CPT1A: variants seen among roughly 807,000 people sequenced by gnomAD.
CPT1A encodes carnitine palmitoyltransferase 1A.
A neutral mutation model predicts 100.8 loss-of-function variants in CPT1A; 64 were observed. The ratio of observed to expected loss-of-function variants is 0.63; its 90% confidence interval spans 0.52 to 0.78. The LOEUF is 0.78. Among genes scored for constraint, CPT1A ranks in the 30% least tolerant of loss-of-function variants. The probability of loss-of-function intolerance (pLI) is 0.00; values close to 1 mark genes in which losing one functional copy is unlikely to be tolerated. For missense variants in CPT1A, 802 were observed against 1,034.1 expected, an observed-to-expected ratio of 0.78 and a Z score of 3.08; for synonymous variants, 363 against 396.0, an observed-to-expected ratio of 0.92 and a Z score of 0.99.
rs549255107 is a variant in CPT1A at position 68,834,065 on chromosome 11, G to A, written c.-14+7710C>T. 2.6e-5 allele frequency among the ~76,000 whole-genome samples: 4 copies of A among 152,332 alleles called. No homozygotes were observed. The South Asian group carries it at 8.3e-4, about 32-fold the overall frequency. On this transcript the variant is annotated intron_variant, in intron 1 of 18. Transcript: ENST00000265641. Reference sequence around the variant, plus strand: ...TCACATTATTTAAATTGGCCACACAGTGGATTTCCTGTACTGAAGTTTATC... The same window carrying A: ...TCACATTATTTAAATTGGCCACACAATGGATTTCCTGTACTGAAGTTTATC...
intron 13 of CPT1A, 158 bp from the exon 14 acceptor site, chr11:68,773,587 G>A (rs1039964357): frequency 3.2e-5 from 44 of 1,369,072 alleles, no homozygotes; most frequent in Non-Finnish European, 4.2e-5. Flanking sequence ...GTAAGTTAGG[G>A]GCATGGCTCC....
chr11:68,758,786 T>G (rs1315275458), intron 18 of CPT1A, among the ~76,000 whole-genome samples: 1 of 151,762 alleles, frequency 6.6e-6, no homozygotes, highest in Non-Finnish European at 1.5e-5. Flanking sequence ...ACCAGCTAAG[T>G]TTTGTATTTT....
chr11:68,764,853 C>T (rs889218917), intron 14 of CPT1A, among the ~76,000 whole-genome samples: 5 of 152,258 alleles, frequency 3.3e-5, no homozygotes, highest in South Asian at 2.1e-4. Flanking sequence ...CGTGGGAGCA[C>T]GCTGGACACC....
intron 5 of CPT1A, 26 bp from the exon 6 acceptor site, chr11:68,799,381 T>A (rs763979431): frequency 6.2e-7 from 1 of 1,607,468 alleles, no homozygotes. Context: ...GAAAAAAAAA[T>A]CACCCAAGTT....
intron 9 of CPT1A, among the ~76,000 whole-genome samples, chr11:68,792,073 T>G (rs143618847): frequency 1.3e-5 from 2 of 152,076 alleles, no homozygotes; most frequent in East Asian, 3.9e-4. Flanking sequence ...GCATGGTGGC[T>G]CACATCTGTA....
chr11:68,803,315 C>A (rs1242845901), intron 5 of CPT1A, among the ~76,000 whole-genome samples: 1 of 152,024 alleles, frequency 6.6e-6, no homozygotes, highest in African/African-American at 2.4e-5. Flanking sequence ...ATTGGCAAAT[C>A]CAGAGGCAGA....
intron 1 of CPT1A, among the ~76,000 whole-genome samples, chr11:68,826,310 G>C (rs946814119): frequency 6.6e-6 from 1 of 152,132 alleles, no homozygotes; most frequent in Admixed American, 6.5e-5. Flanking sequence ...GCCGGATCTG[G>C]TGGTGCACGC....
At chr11:68,821,036 C>G (rs1038344540) in intron 1 of CPT1A, among the ~76,000 whole-genome samples, 2 of 152,226 alleles carry the variant, frequency 1.3e-5, no homozygotes, top group African/African-American at 2.4e-5. Context: ...GCTCTGTCCC[C>G]CAGGTGGGAG....
chr11:68,798,807 G>A (rs905990235), intron 6 of CPT1A, among the ~76,000 whole-genome samples: 4 of 152,180 alleles, frequency 2.6e-5, no homozygotes, highest in Non-Finnish European at 5.9e-5. Context: ...AAGAGGGAGA[G>A]GGAGAAGCCT....
intron 14 of CPT1A, among the ~76,000 whole-genome samples, chr11:68,765,923 G>GT (rs1227692196): frequency 6.6e-6 from 1 of 151,740 alleles, no homozygotes; most frequent in African/African-American, 2.4e-5. Flanking sequence ...CCAGGCTGGA[G>GT]TGCAGTGGTG....
intron 14 of CPT1A, among the ~76,000 whole-genome samples, chr11:68,764,197 C>T (rs953656790): frequency 6.6e-6 from 1 of 152,216 alleles, no homozygotes; most frequent in African/African-American, 2.4e-5. Context: ...ACAGCATCTG[C>T]GTGCTGCCCC....
At chr11:68,819,090 T>C (rs1213663446) in intron 1 of CPT1A, among the ~76,000 whole-genome samples, 1 of 152,168 alleles carries the variant, frequency 6.6e-6, no homozygotes, top group African/African-American at 2.4e-5. Flanking sequence ...AGGTTAACTT[T>C]TTTTTTGAGA....
chr11:68,785,228 G>A, intron 9 of CPT1A, among the ~76,000 whole-genome samples: 1 of 152,130 alleles, frequency 6.6e-6, no homozygotes, highest in East Asian at 1.9e-4. Context: ...GCTCAGCTTA[G>A]TCACTCATTA....
Position 68,799,266 on chromosome 11 carries a change from T to C in CPT1A, c.645A>G (p.Pro215=). 6.2e-7 allele frequency: 1 copy of C among 1,614,114 alleles called. No individual in the cohort carries two copies. Among genetic ancestry groups the C allele is most frequent in the Non-Finnish European group, 8.5e-7 (1 of 1,179,970 alleles). Residue 215 remains proline, a synonymous_variant, in exon 6 of 19, where the codon CCA becomes CCG. Transcript: ENST00000265641. The part of the protein sequence containing the change: ...LAQDFAVGLG[P]RLQWYLKLKS... ...TTAACTTCAAATACCACTGTAATCT[T>C]GGTCCAAGACCGACAGCAAAATCTT...
At chr11:68,774,549 T>C (rs1855089037) in intron 13 of CPT1A, among the ~76,000 whole-genome samples, 1 of 151,584 alleles carries the variant, frequency 6.6e-6, no homozygotes, top group South Asian at 2.1e-4. Flanking sequence ...TTCAAGCCAT[T>C]CTCCTGCCTC....
chr11:68,781,020 TG>T (rs1242688400), intron 11 of CPT1A, among the ~76,000 whole-genome samples: 1 of 151,976 alleles, frequency 6.6e-6, no homozygotes, highest in East Asian at 1.9e-4. Context: ...TGGGGAGAGG[TG>T]GGAGGCTCTT....
At chr11:68,842,075 G>C, upstream of CPT1A, 1 of 604,390 alleles carries the variant, frequency 1.7e-6, no homozygotes, top group Non-Finnish European at 2.1e-6. Context: ...TGCCGGAATG[G>C]GGTCTAGGAC....
intron 9 of CPT1A, among the ~76,000 whole-genome samples, chr11:68,785,269 C>T (rs1855426494): frequency 6.6e-6 from 1 of 152,082 alleles, no homozygotes; most frequent in Non-Finnish European, 1.5e-5. Context: ...TACCCGAGGC[C>T]AGGCGCAGTG....
In CPT1A at chr11:68,773,421, C is replaced by G. The variant is rs1855051204; in HGVS notation, c.1584G>C (p.Glu528Asp). Residue 528 changes from glutamate (E) to aspartate (D), a missense_variant, in exon 14 of 19, where the codon GAG becomes GAC. Glu to Asp is a conservative substitution (Grantham distance 45). Coordinates refer to ENST00000265641, the MANE Select transcript of CPT1A (RefSeq NM_001876.4). ...CGGTGTTCAGGGAGGTCTCTATAAC[C>G]TCTTGACACTTGAGAGAAAGAAGAA... ...LQWDIPGECQ[E>D]VIETSLNTAN... is the part of the protein sequence containing the mutation. The G allele has an allele frequency of 6.2e-7, 1 of 1,613,914 alleles. No homozygotes were observed. The highest frequency in any genetic ancestry group is 1.1e-5 in the South Asian group (1 of 91,084).
Sources: allele counts gnomAD v4.1 joint callset (sites outside exome capture counted in the v4.1 genomes callset), GRCh38; gene constraint gnomAD v4.1.1; transcripts MANE v1.5; gene names NCBI Gene and HGNC (gene_info 2026-07-23, HGNC 2026-07-21).